The following ZFPM1 variants were observed in gnomAD, a reference collection of about 807,000 sequenced individuals.
The protein encoded by ZFPM1 is zinc finger protein ZFPM1.
ZFPM1 carries 28 observed loss-of-function variants against 46.3 expected under a neutral mutation model. The observed-to-expected ratio is 0.60, with a 90% CI of 0.45 to 0.83. The LOEUF (loss-of-function observed/expected upper bound fraction) is 0.83, where lower values mean the gene tolerates loss of function less well. Among genes scored for constraint, ZFPM1 ranks in the 40% least tolerant of loss-of-function variants. The pLI is 0.00. For synonymous variants in ZFPM1, 957 were observed against 675.9 expected (o/e 1.42, Z -6.45); for missense variants, 1,878 against 1,432.4 (o/e 1.31, Z -5.02).
chr16:88,512,620 T>A (rs934351525), intron 3 of ZFPM1, among the ~76,000 whole-genome samples: 1 of 152,052 alleles, frequency 6.6e-6, no homozygotes, highest in Non-Finnish European at 1.5e-5. Flanking sequence ...TCCAAGCGTT[T>A]CTGACAGTCC....
At position 88,524,437 on chromosome 16, in the gene ZFPM1, G is replaced by C. The variant is rs151202833; in HGVS notation, c.403-2377G>C. ...CCTGAGCCCTGCTCTGCGGCCCTGG[G>C]AATCACGGGGGTGTCCTTTAAAAGG... On this transcript the variant is annotated intron_variant, in intron 4 of 9. Transcript: ENST00000319555. 3.7e-3 allele frequency among the ~76,000 whole-genome samples: 569 copies of C among 152,300 alleles called. 5 individuals carry two copies. The highest frequency in any genetic ancestry group is 0.013 in the African/African-American group (544 of 41,570).
chr16:88,517,684 G>A (rs978429656), intron 4 of ZFPM1, among the ~76,000 whole-genome samples: 7 of 151,120 alleles, frequency 4.6e-5, no homozygotes, highest in Non-Finnish European at 8.9e-5. Flanking sequence ...GTGGATGGAT[G>A]GATAGATGTA....
intron 4 of ZFPM1, among the ~76,000 whole-genome samples, chr16:88,517,230 GTGGGTGGGTGGGTGGA>G (rs1205276599): frequency 1.5e-4 from 15 of 99,184 alleles, no homozygotes; most frequent in African/African-American, 8.0e-4. Flanking sequence ...GGATGGATGG[GTGGGTGGGTGGGTGGA>G]TGGATGGATG....
intron 3 of ZFPM1, among the ~76,000 whole-genome samples, chr16:88,510,832 A>C (rs1459396776): frequency 6.6e-6 from 1 of 152,090 alleles, no homozygotes; most frequent in East Asian, 1.9e-4. Context: ...AACCTCTCGG[A>C]TCTGTCTCCC....
intron 1 of ZFPM1, among the ~76,000 whole-genome samples, chr16:88,458,586 G>C (rs533152976): frequency 6.6e-6 from 1 of 152,146 alleles, no homozygotes; most frequent in Non-Finnish European, 1.5e-5. Flanking sequence ...TAATACTCCC[G>C]CTGGCCTATC....
chr16:88,531,614 C>T (rs979484149), intron 6 of ZFPM1, among the ~76,000 whole-genome samples: 1 of 152,232 alleles, frequency 6.6e-6, no homozygotes, highest in African/African-American at 2.4e-5. Context: ...TGTACACACA[C>T]GTTTCCTCTT....
chr16:88,491,326 G>A (rs981515740), intron 3 of ZFPM1, among the ~76,000 whole-genome samples: 2 of 152,200 alleles, frequency 1.3e-5, no homozygotes, highest in East Asian at 1.9e-4. Context: ...GACCACCCAC[G>A]CAGTGGCAGG....
chr16:88,506,484 C>A (rs1424223556), intron 3 of ZFPM1, among the ~76,000 whole-genome samples: 2 of 146,648 alleles, frequency 1.4e-5, no homozygotes, highest in African/African-American at 2.6e-5. Flanking sequence ...ACAGAATAAT[C>A]CAGAAAGGAC....
chr16:88,503,617 C>G (rs1030399864), intron 3 of ZFPM1, among the ~76,000 whole-genome samples: 6 of 152,314 alleles, frequency 3.9e-5, no homozygotes, highest in Middle Eastern at 3.4e-3. Context: ...CCTCTCTGAC[C>G]TCGGTCTTCT....
chr16:88,473,441 C>T (rs563903470), intron 1 of ZFPM1, among the ~76,000 whole-genome samples: 1 of 152,366 alleles, frequency 6.6e-6, no homozygotes, highest in Admixed American at 6.5e-5. Context: ...GGTGAACCCA[C>T]AGGCCTGTCC....
chr16:88,453,855 G>T lies in ZFPM1; in HGVS notation c.40+177G>T, dbSNP rs555075711. 6.6e-5 allele frequency among the ~76,000 whole-genome samples: 10 copies of T among 151,854 alleles called. No homozygotes were observed. The South Asian group carries it at 8.3e-4, about 13-fold the overall frequency. On this transcript the variant is annotated intron_variant, in intron 1 of 9. Transcript: ENST00000319555. ...AATCTAATCTCCGCCGGCGGCCTGG[G>T]CCCCCGCGTCTCGGCTTGGGCACCG...
At chr16:88,484,076 C>A (rs956002349) in intron 1 of ZFPM1, among the ~76,000 whole-genome samples, 1 of 152,244 alleles carries the variant, frequency 6.6e-6, no homozygotes, top group African/African-American at 2.4e-5. Context: ...AGCCCATCTC[C>A]CTCCCATCTT....
chr16:88,520,090 T>C (rs969104328), intron 4 of ZFPM1, among the ~76,000 whole-genome samples: 3 of 149,002 alleles, frequency 2.0e-5, no homozygotes, highest in African/African-American at 7.5e-5. Context: ...AGTGGGTGGG[T>C]GGATAGATGG....
At position 88,514,448 on chromosome 16, in the gene ZFPM1, C is replaced by A; in HGVS notation, c.330C>A (p.Ala110=). 6.4e-7 allele frequency: 1 copy of A among 1,558,408 alleles called. No homozygotes were observed. The highest frequency in any genetic ancestry group is 1.4e-5 in the African/African-American group (1 of 73,716). Residue 110 remains alanine, a synonymous_variant, in exon 4 of 10, where the codon GCC becomes GCA. Transcript: ENST00000319555. ...QRRIRARLSL[A]TGLSWGPFHG... ...GCATACGGGCCCGACTCAGCCTCGCCACGGGCCTGTCCTGGGGCCCGTTCC... is the reference window on the plus strand; with the variant it reads ...GCATACGGGCCCGACTCAGCCTCGCAACGGGCCTGTCCTGGGGCCCGTTCC...
At chr16:88,499,453 G>A (rs115445221) in intron 3 of ZFPM1, among the ~76,000 whole-genome samples, 2,428 of 152,332 alleles carry the variant, frequency 0.016, 69 homozygotes, top group African/African-American at 0.056. Context: ...AGAGGAAGCC[G>A]GGTACAGAGG....
chr16:88,528,857 C>G (rs1426578105), intron 6 of ZFPM1, among the ~76,000 whole-genome samples: 1 of 152,232 alleles, frequency 6.6e-6, no homozygotes, highest in Non-Finnish European at 1.5e-5. Flanking sequence ...GCACACGCCA[C>G]CAAAATCTCT....
intron 1 of ZFPM1, among the ~76,000 whole-genome samples, chr16:88,457,117 G>A (rs554208967): frequency 1.3e-3 from 192 of 152,364 alleles, no homozygotes; most frequent in African/African-American, 4.4e-3. Flanking sequence ...GCCCACCCGT[G>A]GGGCTGGCAG....
chr16:88,534,074 T>C lies in ZFPM1; in HGVS notation c.2116T>C (p.Cys706Arg). ...CTACACCGTGCACAAGCGGTACTAC[T>C]GCGCCTCGCGCCACGACCCGCCGCC... is the stretch of plus-strand genomic sequence containing the variant. Reference protein sequence around the residue: ...ETYTVHKRYYCASRHDPPPRR... With the variant: ...ETYTVHKRYYRASRHDPPPRR... Residue 706 changes from cysteine to arginine, a missense_variant, in exon 10 of 10, where the codon TGC becomes CGC. By Grantham distance (180) the Cys-to-Arg change is radical (BLOSUM62 -3). Coordinates refer to ENST00000319555, the MANE Select transcript of ZFPM1 (RefSeq NM_153813.3). 1.6e-6 allele frequency: 2 copies of C among 1,214,194 alleles called. No homozygotes were observed. Among genetic ancestry groups the C allele is most frequent in the Non-Finnish European group, 1.0e-6 (1 of 953,080 alleles). 75.2% of individuals were successfully genotyped at this position (1,214,194 alleles called of 1,614,324 possible).
intron 3 of ZFPM1, among the ~76,000 whole-genome samples, chr16:88,495,041 C>T (rs942638166): frequency 4.6e-5 from 7 of 152,220 alleles, no homozygotes; most frequent in African/African-American, 1.2e-4. Flanking sequence ...GGGAGCAGCT[C>T]GGCCGTGGCT....
Sources: gnomAD v4.1 joint callset for allele counts (sites outside exome capture counted in the v4.1 genomes callset) on GRCh38, gnomAD v4.1.1 for gene constraint, MANE v1.5 for transcripts, NCBI Gene and HGNC (gene_info 2026-07-23, HGNC 2026-07-21) for gene names.